KCNA2: variants seen among roughly 807,000 people sequenced by gnomAD.
The protein encoded by KCNA2 is potassium voltage-gated channel subfamily A member 2, also known as potassium channel, voltage gated shaker related subfamily A, member 2.
A neutral mutation model predicts 33.4 loss-of-function variants in KCNA2; 11 were observed. The ratio of observed to expected loss-of-function variants is 0.33; its 90% confidence interval spans 0.21 to 0.55. KCNA2 has a LOEUF of 0.55. Ranked by LOEUF, KCNA2 falls within the 20% of genes least tolerant of loss-of-function variation. The pLI, the probability that KCNA2 is intolerant of heterozygous loss-of-function variation, is 0.93. For synonymous variants in KCNA2, 222 were observed against 231.3 expected (o/e 0.96, Z 0.37); for missense variants, 291 against 621.6 (o/e 0.47, Z 5.66).
Position 110,603,456 on chromosome 1 carries a change from C to G in KCNA2, c.1327G>C (p.Asp443His), listed in dbSNP as rs1463003644. 6.2e-7 allele frequency: 1 copy of G among 1,614,040 alleles called. No homozygotes were observed. The highest frequency in any genetic ancestry group is 1.1e-5 in the South Asian group (1 of 91,036). ...GAGGCACTTCTACTTTTCTTTAGGT[C>G]AGGGGAGGATGGGATCTTTGGACAG... The part of the protein sequence containing the change: ...TSCPKIPSSP[D>H]LKKSRSASTI... The change falls in exon 3 of 3, where the codon GAC becomes CAC. Residue 443 changes from aspartate (D) to histidine (H), a missense_variant. Asp to His is a moderately conservative substitution (Grantham distance 81). Coordinates refer to ENST00000316361, the MANE Select transcript of KCNA2 (RefSeq NM_004974.4). This position sits in a 1 kb window ranked among gnomAD's most constrained non-coding sequence, Gnocchi z 5.7.
intron 1 of KCNA2, among the ~76,000 whole-genome samples, chr1:110,630,391 T>C (rs1650520936): frequency 6.6e-6 from 1 of 152,218 alleles, no homozygotes; most frequent in African/African-American, 2.4e-5. Context: ...CTATGTATTA[T>C]TTGCATAGCA....
intron 1 of KCNA2, among the ~76,000 whole-genome samples, chr1:110,623,673 G>A (rs1650316149): frequency 2.0e-5 from 3 of 152,124 alleles, no homozygotes; most frequent in Non-Finnish European, 2.9e-5. Context: ...GGGATTACAG[G>A]CATGAGCCAC....
intron 1 of KCNA2, among the ~76,000 whole-genome samples, chr1:110,625,924 C>A (rs564913083): frequency 2.0e-5 from 3 of 152,024 alleles, no homozygotes; most frequent in African/African-American, 7.2e-5. Flanking sequence ...ATTGATTTGG[C>A]AAAAATTCAA....
Position 110,596,354 on chromosome 1 carries a change from C to T in KCNA2, c.*6929G>A, listed in dbSNP as rs1185307812. 3 of 353,754 alleles carry T rather than the reference C, an allele frequency of 8.5e-6. No individual in the cohort carries two copies. The highest frequency in any genetic ancestry group is 4.5e-5 in the African/African-American group (2 of 44,580). 21.9% of individuals were successfully genotyped at this position (353,754 alleles called of 1,614,324 possible). A position where few individuals can be genotyped will look rare whatever the true frequency, so the allele number is the denominator to read the frequency against. On this transcript the variant is annotated 3_prime_UTR_variant, in exon 3 of 3. Transcript: ENST00000316361. ...CATATACTATATATATATATATACA[C>T]ACATAAATATATGTATATATGGAAA...
In KCNA2 at chr1:110,593,992, A is replaced by T; in HGVS notation, c.*9291T>A. The T allele has an allele frequency of 1.3e-6, 2 of 1,547,114 alleles. No individual in the cohort carries two copies. The highest frequency in any genetic ancestry group is 1.7e-6 in the Non-Finnish European group (2 of 1,145,530). On this transcript the variant is annotated 3_prime_UTR_variant, in exon 3 of 3. Transcript: ENST00000316361. ...CCAACTCCCATGAGTCTTCCCCGCA[A>T]GTCCTGCTCCGCCTTCAGCTCTCAT...
rs1470439535 is a variant in KCNA2, at chr1:110,600,408, G to A, written c.*2875C>T. 1 of 984,624 alleles carries A rather than the reference G, an allele frequency of 1.0e-6. No homozygotes were observed. Among genetic ancestry groups the A allele is most frequent in the Non-Finnish European group, 1.2e-6 (1 of 829,778 alleles). The allele number at this position is 984,624 out of a possible 1,614,324, so 61.0% of individuals were successfully genotyped here. A position where few individuals can be genotyped will look rare whatever the true frequency, so the allele number is the denominator to read the frequency against. ...CATCTGAGTTTCAGGTTGTATATTT[G>A]TATGTGGTGTATGTTTGTCTTTTGT... On this transcript the variant is annotated 3_prime_UTR_variant, in exon 3 of 3. Transcript: ENST00000316361.
At chr1:110,608,221 A>G (rs955301865), upstream of KCNA2, among the ~76,000 whole-genome samples, 1 of 152,196 alleles carries the variant, frequency 6.6e-6, no homozygotes, top group African/African-American at 2.4e-5. Context: ...TGTGTGTGGG[A>G]GGCACAGCCT....
chr1:110,597,086 T>C lies in KCNA2; in HGVS notation c.*6197A>G. On this transcript the variant is annotated 3_prime_UTR_variant, in exon 3 of 3. Transcript: ENST00000316361. ...ACTTCTACTGAAACCCACAAGAACC[T>C]GCTTCCTTCTGCAGCTCTCACGGAG... 3 of 985,452 alleles carry C rather than the reference T, an allele frequency of 3.0e-6. No homozygotes were observed. The highest frequency in any genetic ancestry group is 3.6e-6 in the Non-Finnish European group (3 of 829,944). The allele number at this position is 985,452 out of a possible 1,614,324, so 61.0% of individuals were successfully genotyped here.
chr1:110,597,837 T>C lies in KCNA2; in HGVS notation c.*5446A>G. ...TCTTTAAAAATATTCAAACACAAAC[T>C]ATGAGAGATGAAGCTGAGATTTGGT... On this transcript the variant is annotated 3_prime_UTR_variant, in exon 3 of 3. Coordinates refer to ENST00000316361, the MANE Select transcript of KCNA2 (RefSeq NM_004974.4). The C allele has an allele frequency of 1.0e-6, 1 of 984,990 alleles. No homozygotes were observed. The highest frequency in any genetic ancestry group is 1.2e-6 in the Non-Finnish European group (1 of 829,680). 61.0% of individuals were successfully genotyped at this position (984,990 alleles called of 1,614,324 possible). A position where few individuals can be genotyped will look rare whatever the true frequency, so the allele number is the denominator to read the frequency against.
Position 110,599,704 on chromosome 1 carries a change from T to C in KCNA2, c.*3579A>G, listed in dbSNP as rs957448643. 7 of 985,324 alleles carry C rather than the reference T, an allele frequency of 7.1e-6. 1 individual carries two copies. The Admixed American group carries it at 3.7e-4, about 52-fold the overall frequency. 61.0% of individuals were successfully genotyped at this position (985,324 alleles called of 1,614,324 possible). On this transcript the variant is annotated 3_prime_UTR_variant, in exon 3 of 3. Transcript: ENST00000316361. Reference sequence around the variant, plus strand: ...GAGAATGTTGGGGACATCTTTACCCTGGTCCTGGGCTCAAGATCCTGCAGT... The same window carrying C: ...GAGAATGTTGGGGACATCTTTACCCCGGTCCTGGGCTCAAGATCCTGCAGT...
intron 1 of KCNA2, among the ~76,000 whole-genome samples, chr1:110,613,222 A>G (rs1303881118): frequency 1.7e-4 from 26 of 152,138 alleles, no homozygotes; most frequent in Admixed American, 1.7e-3. Flanking sequence ...ATCCTCCACG[A>G]AGCCTTTCTT....
chr1:110,602,089 T>C lies in KCNA2; in HGVS notation c.*1194A>G, dbSNP rs772422069. ...TGTACAGTCATGCCCGCGACTAGGT[T>C]AATTCCTAAGGTGCAGTCATGTGAG... On this transcript the variant is annotated 3_prime_UTR_variant, in exon 3 of 3. Transcript: ENST00000316361. 6.4e-7 allele frequency: 1 copy of C among 1,550,538 alleles called. No individual in the cohort carries two copies. The highest frequency in any genetic ancestry group is 1.2e-5 in the South Asian group (1 of 84,058).
chr1:110,596,581 A>T lies in KCNA2; in HGVS notation c.*6702T>A. Reference sequence around the variant, plus strand: ...TTGGTCTTCTCTACCTATGTCCACTACTGTACAATAAGCATTGAGGTTTAC... The same window carrying T: ...TTGGTCTTCTCTACCTATGTCCACTTCTGTACAATAAGCATTGAGGTTTAC... On this transcript the variant is annotated 3_prime_UTR_variant, in exon 3 of 3. Transcript: ENST00000316361. The T allele has an allele frequency of 3.8e-6, 1 of 265,778 alleles. No homozygotes were observed. The highest frequency in any genetic ancestry group is 5.8e-6 in the Non-Finnish European group (1 of 172,128). 16.5% of individuals were successfully genotyped at this position (265,778 alleles called of 1,614,324 possible).
In KCNA2 at chr1:110,602,446, C is replaced by A; in HGVS notation, c.*837G>T. Reference sequence around the variant, plus strand: ...TCACTGGTAAATTTCACTGCAGTGTCAGTGTAGCTGGGCCACATCAGTGGG... The same window carrying A: ...TCACTGGTAAATTTCACTGCAGTGTAAGTGTAGCTGGGCCACATCAGTGGG... On this transcript the variant is annotated 3_prime_UTR_variant, in exon 3 of 3. Coordinates refer to ENST00000316361, the MANE Select transcript of KCNA2 (RefSeq NM_004974.4). 1 of 1,290,802 alleles carries A rather than the reference C, an allele frequency of 7.7e-7. No homozygotes were observed. Among genetic ancestry groups the A allele is most frequent in the Non-Finnish European group, 9.8e-7 (1 of 1,017,280 alleles). The allele number at this position is 1,290,802 out of a possible 1,614,324, so 80.0% of individuals were successfully genotyped here.
rs1230500693 is a variant in KCNA2 at position 110,600,775 on chromosome 1, G to A, written c.*2508C>T. ...CACCACCTCCCATGAAGGAGAGGAAGAGAAGCACAGAGGCTTTGTGCTGGG... is the reference window on the plus strand; with the variant it reads ...CACCACCTCCCATGAAGGAGAGGAAAAGAAGCACAGAGGCTTTGTGCTGGG... On this transcript the variant is annotated 3_prime_UTR_variant, in exon 3 of 3. Coordinates refer to ENST00000316361, the MANE Select transcript of KCNA2 (RefSeq NM_004974.4). 7 of 985,332 alleles carry A rather than the reference G, an allele frequency of 7.1e-6. No individual in the cohort carries two copies. Among genetic ancestry groups the A allele is most frequent in the Non-Finnish European group, 8.4e-6 (7 of 829,946 alleles). The allele number at this position is 985,332 out of a possible 1,614,324, so 61.0% of individuals were successfully genotyped here. A position where few individuals can be genotyped will look rare whatever the true frequency, so the allele number is the denominator to read the frequency against.
In KCNA2 at chr1:110,596,828, A is replaced by G. The variant is rs897237284; in HGVS notation, c.*6455T>C. 3 of 985,310 alleles carry G rather than the reference A, an allele frequency of 3.0e-6. No individual in the cohort carries two copies. The Admixed American group carries it at 1.8e-4, about 61-fold the overall frequency. 61.0% of individuals were successfully genotyped at this position (985,310 alleles called of 1,614,324 possible). On this transcript the variant is annotated 3_prime_UTR_variant, in exon 3 of 3. Coordinates refer to ENST00000316361, the MANE Select transcript of KCNA2 (RefSeq NM_004974.4). Reference sequence around the variant, plus strand: ...TCAGTTAACTGAGGTTTTGCTGTACATATGTGTATAGAGCAAGGTAGATCA... The same window carrying G: ...TCAGTTAACTGAGGTTTTGCTGTACGTATGTGTATAGAGCAAGGTAGATCA...
At position 110,597,625 on chromosome 1, in the gene KCNA2, G is replaced by A; in HGVS notation, c.*5658C>T. 1 of 985,436 alleles carries A rather than the reference G, an allele frequency of 1.0e-6. No homozygotes were observed. The highest frequency in any genetic ancestry group is 1.2e-6 in the Non-Finnish European group (1 of 829,936). 61.0% of individuals were successfully genotyped at this position (985,436 alleles called of 1,614,324 possible). Reference sequence around the variant, plus strand: ...ATTCCAGAAGGAGGTCAGATCTCAAGAGGACAGGAGTCATGTGAACACGTG... The same window carrying A: ...ATTCCAGAAGGAGGTCAGATCTCAAAAGGACAGGAGTCATGTGAACACGTG... On this transcript the variant is annotated 3_prime_UTR_variant, in exon 3 of 3. Transcript: ENST00000316361.
chr1:110,599,425 T>C lies in KCNA2; in HGVS notation c.*3858A>G. 1 of 985,384 alleles carries C rather than the reference T, an allele frequency of 1.0e-6. No individual in the cohort carries two copies. The highest frequency in any genetic ancestry group is 1.2e-6 in the Non-Finnish European group (1 of 829,930). 61.0% of individuals were successfully genotyped at this position (985,384 alleles called of 1,614,324 possible). A position where few individuals can be genotyped will look rare whatever the true frequency, so the allele number is the denominator to read the frequency against. On this transcript the variant is annotated 3_prime_UTR_variant, in exon 3 of 3. Transcript: ENST00000316361. ...TTTACTTAAGCTGAACTGGGTTGCA[T>C]AGCAATTGGATGGGAGGCAGGGCAT...
intron 1 of KCNA2, among the ~76,000 whole-genome samples, chr1:110,628,428 C>CT (rs1650458046): frequency 6.6e-6 from 1 of 152,176 alleles, no homozygotes; most frequent in African/African-American, 2.4e-5. Context: ...TAGAATGGGC[C>CT]TGACCATCCT....
Sources: gnomAD v4.1 joint callset for allele counts (sites outside exome capture counted in the v4.1 genomes callset) on GRCh38, gnomAD v4.1.1 for gene constraint, Gnocchi (gnomAD v3.1) non-coding constraint, MANE v1.5 for transcripts, NCBI Gene and HGNC (gene_info 2026-07-23, HGNC 2026-07-21) for gene names.